The following TENM3 variants were observed in gnomAD, a reference collection of about 807,000 sequenced individuals.
TENM3 encodes teneurin transmembrane protein 3.
Under a neutral mutation model 255.1 loss-of-function variants are expected in TENM3, and 63 were observed. That is an observed-to-expected ratio of 0.25 (90% CI 0.20 to 0.30). The LOEUF is 0.30. Ranked by LOEUF, TENM3 falls within the 10% of genes least tolerant of loss-of-function variation. The pLI is 1.00. For synonymous variants in TENM3, 1,306 were observed against 1,322.3 expected (o/e 0.99, Z 0.27); for missense variants, 2,929 against 3,461.1 (o/e 0.85, Z 3.86).
rs539543456 is a variant in TENM3 at position 182,621,135 on chromosome 4, C to A, written c.750-7516C>A. Among the ~76,000 whole-genome samples, 6 of 151,550 alleles carry A rather than the reference C, an allele frequency of 4.0e-5. 1 individual carries two copies. In the South Asian group the frequency reaches 1.0e-3, roughly 26 times the overall value. ...GGCAGAGCTTGCAGTGAACCGAGGT[C>A]GCACCACTGCACTCCAGCCTGGACA... On this transcript the variant is annotated intron_variant, in intron 4 of 27. Transcript: ENST00000511685.
At chr4:181,634,490 T>G in the TENM3 span, among the ~76,000 whole-genome samples, 1 of 150,934 alleles carries the variant, frequency 6.6e-6, no homozygotes, top group East Asian at 2.0e-4. Flanking sequence ...ACCTTGCAAA[T>G]GCAAACCATA....
At chr4:182,190,277 A>T (rs1753429595) in intron 1 of TENM3, 1 of 152,200 alleles carries the variant, frequency 6.6e-6, no homozygotes, top group African/African-American at 2.4e-5. Flanking sequence ...GTACCTTCTT[A>T]AGGATTTCTG....
chr4:181,509,114 A>T, the TENM3 span, among the ~76,000 whole-genome samples: 1 of 151,920 alleles, frequency 6.6e-6, no homozygotes, highest in African/African-American at 2.4e-5. Flanking sequence ...AAGAAACTAC[A>T]CGTGGAACAT....
At chr4:182,716,495 A>T (rs1323703059) in intron 13 of TENM3, among the ~76,000 whole-genome samples, 1 of 152,208 alleles carries the variant, frequency 6.6e-6, no homozygotes. Flanking sequence ...CTTATCTCAC[A>T]TAATTTGTAT....
At chr4:181,935,551 G>A in the TENM3 span, among the ~76,000 whole-genome samples, 1 of 152,136 alleles carries the variant, frequency 6.6e-6, no homozygotes, top group African/African-American at 2.4e-5. Context: ...GCATCACTAT[G>A]GCACTTGTCC....
the TENM3 span, among the ~76,000 whole-genome samples, chr4:181,752,909 C>T: frequency 6.6e-6 from 1 of 152,108 alleles, no homozygotes; most frequent in South Asian, 2.1e-4. Flanking sequence ...AGACTTATCC[C>T]ATGTGCTGGA....
At position 182,799,038 on chromosome 4, in the gene TENM3, C is replaced by G. The variant is rs1187420381; in HGVS notation, c.7345-558C>G. Among the ~76,000 whole-genome samples, 2 of 152,226 alleles carry G rather than the reference C, an allele frequency of 1.3e-5. No individual in the cohort carries two copies. The highest frequency in any genetic ancestry group is 2.9e-5 in the Non-Finnish European group (2 of 68,034). Reference sequence around the variant, plus strand: ...GTCTCCAGCTGCCCCACCTTCCACTCATCCCTGTACATTTCAGTTCTGCGG... The same window carrying G: ...GTCTCCAGCTGCCCCACCTTCCACTGATCCCTGTACATTTCAGTTCTGCGG... On this transcript the variant is annotated intron_variant, in intron 27 of 27. Coordinates refer to ENST00000511685, the MANE Select transcript of TENM3 (RefSeq NM_001080477.4). The surrounding 1 kb of genome is among the most constrained non-coding windows in gnomAD (Gnocchi z 4.2).
chr4:182,704,752 G>GA (rs1301849110), intron 12 of TENM3, among the ~76,000 whole-genome samples: 1 of 149,020 alleles, frequency 6.7e-6, no homozygotes, highest in African/African-American at 2.5e-5. Context: ...GCAAATTTTT[G>GA]AAAAAGTATT....
chr4:182,768,811 G>A (rs58508725), intron 22 of TENM3, among the ~76,000 whole-genome samples: 32,279 of 151,922 alleles, frequency 0.21, 3,828 homozygotes, highest in African/African-American at 0.29. Flanking sequence ...CTCATCAGTG[G>A]AAGAGCGGTA....
chr4:182,232,650 C>A (rs921590294), intron 1 of TENM3, among the ~76,000 whole-genome samples: 1 of 151,892 alleles, frequency 6.6e-6, no homozygotes, highest in African/African-American at 2.4e-5. Flanking sequence ...GAGCGGAGAT[C>A]GCGCCACTGC....
the TENM3 span, among the ~76,000 whole-genome samples, chr4:181,899,326 A>G: frequency 1.3e-5 from 2 of 152,092 alleles, no homozygotes; most frequent in Non-Finnish European, 2.9e-5. Context: ...TATCCTTAAG[A>G]CTTAGGTAAC....
At chr4:182,447,548 G>A (rs1773031005) in intron 3 of TENM3, among the ~76,000 whole-genome samples, 1 of 152,194 alleles carries the variant, frequency 6.6e-6, no homozygotes, top group South Asian at 2.1e-4. Context: ...AGGAAAGACC[G>A]TGGGGGAAGA....
intron 3 of TENM3, among the ~76,000 whole-genome samples, chr4:182,563,171 T>G (rs1743391747): frequency 6.6e-6 from 1 of 152,030 alleles, no homozygotes; most frequent in Admixed American, 6.6e-5. Flanking sequence ...TCCCAACACT[T>G]AGGGAGGTTG....
the TENM3 span, among the ~76,000 whole-genome samples, chr4:181,742,649 C>T: frequency 6.6e-6 from 1 of 151,128 alleles, no homozygotes; most frequent in Non-Finnish European, 1.5e-5. Context: ...ATTGGAAGTG[C>T]TTTTTTTTGC....
At chr4:182,243,858 A>G (rs1458999325) in intron 1 of TENM3, among the ~76,000 whole-genome samples, 4 of 152,010 alleles carry the variant, frequency 2.6e-5, no homozygotes. Flanking sequence ...AGGAAAGGAA[A>G]TGAAAGAGAG....
the TENM3 span, among the ~76,000 whole-genome samples, chr4:181,662,973 C>T: frequency 6.6e-6 from 1 of 152,100 alleles, no homozygotes; most frequent in Non-Finnish European, 1.5e-5. Context: ...TTTTATAGCT[C>T]AACGATACCC....
chr4:182,732,142 T>C (rs1488809858), intron 16 of TENM3, among the ~76,000 whole-genome samples: 1 of 150,650 alleles, frequency 6.6e-6, no homozygotes, highest in Non-Finnish European at 1.5e-5. Flanking sequence ...ATATACCTTA[T>C]ATATTTATTA....
At chr4:181,750,835 CT>C in the TENM3 span, among the ~76,000 whole-genome samples, 1 of 152,120 alleles carries the variant, frequency 6.6e-6, no homozygotes, top group Non-Finnish European at 1.5e-5. Flanking sequence ...TAAAAGAATG[CT>C]GTTGGCTTCC....
the TENM3 span, among the ~76,000 whole-genome samples, chr4:182,044,453 C>T: frequency 2.6e-5 from 4 of 152,198 alleles, no homozygotes; most frequent in Non-Finnish European, 5.9e-5. Context: ...GATATTTTAA[C>T]TAAGCCTAAC....
Sources: gnomAD v4.1 joint callset for allele counts (sites outside exome capture counted in the v4.1 genomes callset) on GRCh38, gnomAD v4.1.1 for gene constraint, Gnocchi (gnomAD v3.1) non-coding constraint, MANE v1.5 for transcripts, NCBI Gene and HGNC (gene_info 2026-07-23, HGNC 2026-07-21) for gene names.